The following SMURF1 variants were observed in gnomAD, a reference collection of about 807,000 sequenced individuals.
SMURF1 encodes the protein E3 ubiquitin-protein ligase SMURF1.
A neutral mutation model predicts 98.0 loss-of-function variants in SMURF1; 44 were observed. The observed-to-expected ratio is 0.45, with a 90% CI of 0.35 to 0.58. SMURF1 has a LOEUF of 0.58. Ranked by LOEUF, SMURF1 falls within the 20% of genes least tolerant of loss-of-function variation. The pLI is 0.00. For synonymous variants in SMURF1, 396 were observed against 374.9 expected (o/e 1.06, Z -0.65); for missense variants, 687 against 938.4 (o/e 0.73, Z 3.50).
chr7:99,051,884 C>G (rs1347459188), intron 7 of SMURF1, among the ~76,000 whole-genome samples: 2 of 152,218 alleles, frequency 1.3e-5, no homozygotes, highest in East Asian at 3.8e-4. Flanking sequence ...TGCAGTGGCT[C>G]ACACCTGTAA....
intron 1 of SMURF1, among the ~76,000 whole-genome samples, chr7:99,132,673 GTAT>G (rs1797895846): frequency 6.7e-6 from 1 of 149,216 alleles, no homozygotes. Flanking sequence ...AAGAGGAAGA[GTAT>G]TATAACATCA....
chr7:99,089,829 G>C (rs932504478), intron 1 of SMURF1, among the ~76,000 whole-genome samples: 1 of 152,102 alleles, frequency 6.6e-6, no homozygotes, highest in Non-Finnish European at 1.5e-5. Context: ...ACTTATCTTG[G>C]ATTAACTTTT....
intron 12 of SMURF1, among the ~76,000 whole-genome samples, chr7:99,041,191 CAG>C (rs1204591862): frequency 6.6e-6 from 1 of 152,166 alleles, no homozygotes; most frequent in Non-Finnish European, 1.5e-5. Flanking sequence ...CACCTGAGGT[CAG>C]GAGTTCGAGA....
At chr7:99,083,052 G>T (rs367578738) in intron 1 of SMURF1, among the ~76,000 whole-genome samples, 65 of 151,998 alleles carry the variant, frequency 4.3e-4, no homozygotes, top group Middle Eastern at 3.4e-3. Flanking sequence ...ATGGTGGGGC[G>T]GGGACAGGAA....
intron 6 of SMURF1, among the ~76,000 whole-genome samples, chr7:99,053,871 G>A (rs572954804): frequency 1.1e-4 from 17 of 152,212 alleles, no homozygotes; most frequent in African/African-American, 1.4e-4. Context: ...TCCTCCCCCC[G>A]TCATTATGAA....
At chr7:99,083,386 A>G (rs980662797) in intron 1 of SMURF1, among the ~76,000 whole-genome samples, 1 of 152,358 alleles carries the variant, frequency 6.6e-6, no homozygotes, top group East Asian at 1.9e-4. Flanking sequence ...TTACTTGGAA[A>G]CATTAACTCC....
intron 1 of SMURF1, among the ~76,000 whole-genome samples, chr7:99,077,942 C>G (rs1367645372): frequency 6.6e-6 from 1 of 152,092 alleles, no homozygotes; most frequent in African/African-American, 2.4e-5. Context: ...CATTCTATTA[C>G]TCGGTTATTT....
Position 99,049,573 on chromosome 7 carries a change from G to A in SMURF1, c.943C>T (p.His315Tyr), listed in dbSNP as rs1478792918. ...TTQFTDPRLH[H>Y]IMNHQCQLKE... ...TTTTTAAAGTCTTACTTCATGATGT[G>A]GTGTAACCTTGGGTCTGTAAACTGG... The change falls in exon 9 of 18, where the codon CAC becomes TAC. Residue 315 changes from histidine (H) to tyrosine (Y), a missense_variant. Physicochemically the swap from His to Tyr is moderately conservative, Grantham distance 83. Transcript: ENST00000361368. The A allele has an allele frequency of 1.2e-6, 2 of 1,613,782 alleles. No individual in the cohort carries two copies. Among genetic ancestry groups the A allele is most frequent in the East Asian group, 2.2e-5 (1 of 44,888 alleles).
At chr7:99,041,524 A>C (rs752578835) in intron 12 of SMURF1, among the ~76,000 whole-genome samples, 3 of 152,228 alleles carry the variant, frequency 2.0e-5, no homozygotes, top group Non-Finnish European at 4.4e-5. Context: ...CTCTGCTTCC[A>C]TGTTGGTAAA....
At chr7:99,050,911 TA>T (rs1338054438) in intron 8 of SMURF1, 163 of 1,487,918 alleles carry the variant, frequency 1.1e-4, no homozygotes, top group Non-Finnish European at 1.4e-4. Context: ...GGGGTCTCTC[TA>T]ACCTGGGCTC....
chr7:99,091,148 T>C (rs977939848), intron 1 of SMURF1, among the ~76,000 whole-genome samples: 1 of 152,198 alleles, frequency 6.6e-6, no homozygotes, highest in Non-Finnish European at 1.5e-5. Flanking sequence ...TAGTAGTGAG[T>C]GCATATATAC....
chr7:99,087,392 AC>A (rs1796706206), intron 1 of SMURF1, among the ~76,000 whole-genome samples: 1 of 152,114 alleles, frequency 6.6e-6, no homozygotes, highest in South Asian at 2.1e-4. Flanking sequence ...CTTAAAACAA[AC>A]AAAAAAAATT....
chr7:99,036,977 G>A (rs1015352474), intron 15 of SMURF1, 90 bp downstream of exon 15: 4 of 1,567,784 alleles, frequency 2.6e-6, no homozygotes, highest in Non-Finnish European at 2.6e-6. Context: ...CTAGAAAGCG[G>A]CACACACTGC....
At chr7:99,109,651 A>G (rs1003301501) in intron 1 of SMURF1, among the ~76,000 whole-genome samples, 15 of 152,184 alleles carry the variant, frequency 9.9e-5, no homozygotes, top group African/African-American at 3.6e-4. Context: ...GAACTCGTAT[A>G]TAACCCAATC....
At chr7:99,039,971 C>T (rs900362817) in intron 13 of SMURF1, among the ~76,000 whole-genome samples, 2 of 152,184 alleles carry the variant, frequency 1.3e-5, no homozygotes, top group Non-Finnish European at 2.9e-5. Flanking sequence ...GAGTGTCTCA[C>T]ACACACCCCA....
At position 99,045,793 on chromosome 7, in the gene SMURF1, G is replaced by A. The variant is rs758648494; in HGVS notation, c.1161C>T (p.Tyr387=). ...VSREEIFEES[Y]RQIMKMRPKD... ...TCGGTCGCATCTTCATTATCTGGCG[G>A]TAAGACTCCTGAAGAGCAACATCAC... The change falls in exon 11 of 18, where the codon TAC becomes TAT. Residue 387 remains tyrosine, a synonymous_variant. Transcript: ENST00000361368. 19 of 1,612,558 alleles carry A rather than the reference G, an allele frequency of 1.2e-5. No homozygotes were observed. The African/African-American group carries it at 2.0e-4, about 17-fold the overall frequency.
chr7:99,036,095 T>G lies in SMURF1; in HGVS notation c.1810-379A>C, dbSNP rs1057118901. 20 of 260,710 alleles carry G rather than the reference T, an allele frequency of 7.7e-5. 1 individual carries two copies. Among genetic ancestry groups the G allele is most frequent in the South Asian group, 5.0e-4 (11 of 21,944 alleles). The allele number at this position is 260,710 out of a possible 1,614,324, so 16.1% of individuals were successfully genotyped here. Reference sequence around the variant, plus strand: ...TCTCTCCAGGACACTCAAGGACATGTGGAGTTTCAAGTCTGAAGAGAGGAG... The same window carrying G: ...TCTCTCCAGGACACTCAAGGACATGGGGAGTTTCAAGTCTGAAGAGAGGAG... On this transcript the variant is annotated intron_variant, in intron 15 of 17. Transcript: ENST00000361368.
chr7:99,088,782 G>A (rs1370195359), intron 1 of SMURF1, among the ~76,000 whole-genome samples: 1 of 152,170 alleles, frequency 6.6e-6, no homozygotes, highest in Non-Finnish European at 1.5e-5. Flanking sequence ...TCAGAAATCA[G>A]TGCCTGTAAA....
At chr7:99,032,689 A>T (rs1339190434) in intron 17 of SMURF1, among the ~76,000 whole-genome samples, 3 of 152,208 alleles carry the variant, frequency 2.0e-5, no homozygotes, top group African/African-American at 7.2e-5. Context: ...CTAAATCAAG[A>T]GAAAATCTAT....
Sources: allele counts gnomAD v4.1 joint callset (sites outside exome capture counted in the v4.1 genomes callset), GRCh38; gene constraint gnomAD v4.1.1; transcripts MANE v1.5; gene names NCBI Gene and HGNC (gene_info 2026-07-23, HGNC 2026-07-21).